Variants in NELL2 observed in about 807,000 individuals in gnomAD.
The protein encoded by NELL2 is neural EGFL like 2.
Under a neutral mutation model 109.6 loss-of-function variants are expected in NELL2, and 41 were observed. That is an observed-to-expected ratio of 0.37 (90% CI 0.29 to 0.49). The LOEUF is 0.49. NELL2 is among the 20% of genes least tolerant of loss of function. The pLI is 0.98. For missense variants in NELL2, 900 were observed against 1,008.3 expected (o/e 0.89, Z 1.45); for synonymous variants, 355 against 344.7 (o/e 1.03, Z -0.33).
intron 2 of NELL2, among the ~76,000 whole-genome samples, chr12:44,841,719 T>A (rs1944230722): frequency 6.6e-6 from 1 of 152,104 alleles, no homozygotes; most frequent in Non-Finnish European, 1.5e-5. Flanking sequence ...GCAGTAAACA[T>A]CTCCTGGGCT....
At chr12:44,899,926 G>A (rs1001052493) in intron 1 of NELL2, among the ~76,000 whole-genome samples, 6 of 152,130 alleles carry the variant, frequency 3.9e-5, no homozygotes, top group Non-Finnish European at 8.8e-5. Context: ...GATTTACCAA[G>A]CAAGTGGAAA....
upstream of NELL2, chr12:44,913,984 C>T (rs975223007): frequency 8.8e-6 from 3 of 339,564 alleles, no homozygotes; most frequent in Admixed American, 1.1e-4. Context: ...CATCCAATTG[C>T]TCAGTACATC....
At chr12:44,528,097 C>CAAAAAAAAAAAAAAAAAA (rs71093812) in intron 16 of NELL2, among the ~76,000 whole-genome samples, 6 of 21,998 alleles carry the variant, frequency 2.7e-4, no homozygotes, top group African/African-American at 9.8e-4. Context: ...GACTCCGTCT[C>CAAAAAAAAAAAAAAAAAA]AAAAAAAAAA....
intron 15 of NELL2, among the ~76,000 whole-genome samples, chr12:44,587,053 A>T (rs1456160099): frequency 6.6e-6 from 1 of 151,780 alleles, no homozygotes; most frequent in South Asian, 2.1e-4. Flanking sequence ...CGGGTGGATC[A>T]TGAGGTCAGG....
intron 12 of NELL2, among the ~76,000 whole-genome samples, chr12:44,683,099 T>A (rs942021882): frequency 6.6e-6 from 1 of 152,046 alleles, no homozygotes; most frequent in African/African-American, 2.4e-5. Context: ...TTTCATTGAG[T>A]AGTGGTTTGT....
At chr12:44,623,504 A>G (rs1409587426) in intron 13 of NELL2, among the ~76,000 whole-genome samples, 1 of 152,116 alleles carries the variant, frequency 6.6e-6, no homozygotes, top group African/African-American at 2.4e-5. Context: ...AAGAATTTAA[A>G]ATGGATTTTA....
intron 12 of NELL2, among the ~76,000 whole-genome samples, chr12:44,667,829 A>C (rs916299770): frequency 1.5e-4 from 23 of 152,330 alleles, no homozygotes; most frequent in African/African-American, 5.5e-4. Flanking sequence ...AAAGATCTGC[A>C]GAGGTCCACA....
At chr12:44,702,772 C>A (rs1246098639) in intron 12 of NELL2, among the ~76,000 whole-genome samples, 1 of 151,954 alleles carries the variant, frequency 6.6e-6, no homozygotes, top group Non-Finnish European at 1.5e-5. Context: ...ATATTTTAAT[C>A]CAAAGGTCAA....
intron 13 of NELL2, among the ~76,000 whole-genome samples, chr12:44,628,431 C>G (rs1163073063): frequency 6.6e-6 from 1 of 152,194 alleles, no homozygotes; most frequent in Non-Finnish European, 1.5e-5. Context: ...CTCATGCAAG[C>G]TGAGATCAAG....
chr12:44,625,130 T>G (rs1946206972), intron 13 of NELL2, among the ~76,000 whole-genome samples: 1 of 151,500 alleles, frequency 6.6e-6, no homozygotes, highest in Admixed American at 6.6e-5. Context: ...ATATTTACTC[T>G]CTGTCACTAC....
intron 1 of NELL2, among the ~76,000 whole-genome samples, chr12:44,884,283 C>T (rs1945447019): frequency 6.6e-6 from 1 of 151,820 alleles, no homozygotes; most frequent in African/African-American, 2.4e-5. Flanking sequence ...ACACAACAAT[C>T]CTAAGTATAT....
At chr12:44,669,432 C>G (rs1406265424) in intron 12 of NELL2, among the ~76,000 whole-genome samples, 1 of 151,794 alleles carries the variant, frequency 6.6e-6, no homozygotes, top group Non-Finnish European at 1.5e-5. Flanking sequence ...AAAAGGAATT[C>G]AAAAGAAAGA....
At chr12:44,839,478 T>C (rs10880695) in intron 2 of NELL2, among the ~76,000 whole-genome samples, 44,599 of 152,082 alleles carry the variant, frequency 0.29, 7,755 homozygotes, top group South Asian at 0.58. Flanking sequence ...TCTTCATTAA[T>C]ATTAATTAAG....
At chr12:44,695,576 C>G (rs747555389) in intron 12 of NELL2, among the ~76,000 whole-genome samples, 2 of 151,862 alleles carry the variant, frequency 1.3e-5, no homozygotes, top group Non-Finnish European at 2.9e-5. Flanking sequence ...ACAGTGAGAC[C>G]CTGCCTCTAA....
At chr12:44,542,788 A>G (rs141934837) in intron 15 of NELL2, among the ~76,000 whole-genome samples, 206 of 152,316 alleles carry the variant, frequency 1.4e-3, no homozygotes, top group African/African-American at 4.8e-3. Flanking sequence ...GGAGTTTTAT[A>G]TAGAAATCAA....
intron 1 of NELL2, among the ~76,000 whole-genome samples, chr12:44,921,015 A>C (rs1264812645): frequency 1.3e-5 from 2 of 152,156 alleles, no homozygotes; most frequent in Admixed American, 1.3e-4. Flanking sequence ...CTCTCAGTGA[A>C]ATCATTTGAG....
intron 19 of NELL2, among the ~76,000 whole-genome samples, chr12:44,517,181 T>C (rs143196490): frequency 6.6e-6 from 1 of 152,276 alleles, no homozygotes; most frequent in East Asian, 1.9e-4. Context: ...CTTCCTCCAT[T>C]GATCTGCAAA....
chr12:44,759,950 C>T (rs994349209), intron 9 of NELL2, among the ~76,000 whole-genome samples: 4 of 152,146 alleles, frequency 2.6e-5, no homozygotes, highest in African/African-American at 4.8e-5. Flanking sequence ...TTTTAAAATT[C>T]GTATCATATA....
intron 12 of NELL2, among the ~76,000 whole-genome samples, chr12:44,699,851 A>T (rs898580473): frequency 6.6e-6 from 1 of 152,114 alleles, no homozygotes; most frequent in Non-Finnish European, 1.5e-5. Flanking sequence ...TTCAGCCATG[A>T]GTTTGCTATC....
Sources: allele counts gnomAD v4.1 joint callset (sites outside exome capture counted in the v4.1 genomes callset), GRCh38; gene constraint gnomAD v4.1.1; transcripts MANE v1.5; gene names NCBI Gene and HGNC (gene_info 2026-07-23, HGNC 2026-07-21).